CDK8: variants seen among roughly 807,000 people sequenced by gnomAD.
CDK8 encodes the protein cyclin dependent kinase 8.
CDK8 carries 29 observed loss-of-function variants against 71.5 expected under a neutral mutation model. The observed-to-expected ratio is 0.41, with a 90% confidence interval of 0.30 to 0.55. The LOEUF (loss-of-function observed/expected upper bound fraction) is 0.55. Ranked by LOEUF, CDK8 falls within the 20% of genes least tolerant of loss-of-function variation. The probability of loss-of-function intolerance (pLI) is 0.37; values close to 1 mark genes in which losing one functional copy is unlikely to be tolerated. For missense variants in CDK8, 288 were observed against 572.6 expected, an observed-to-expected ratio of 0.50 and a Z score of 5.07; for synonymous variants, 161 against 192.1, an observed-to-expected ratio of 0.84 and a Z score of 1.34.
chr13:26,362,260 ATG>A (rs1421790337), intron 4 of CDK8, among the ~76,000 whole-genome samples: 2 of 151,786 alleles, frequency 1.3e-5, no homozygotes, highest in African/African-American at 4.9e-5. Context: ...GGATGGATGG[ATG>A]GATGGATAGA....
At chr13:26,320,628 T>C (rs1298754634) in intron 1 of CDK8, among the ~76,000 whole-genome samples, 3 of 152,100 alleles carry the variant, frequency 2.0e-5, no homozygotes, top group African/African-American at 4.8e-5. Context: ...AAATTACATA[T>C]CTGATAAGGG....
chr13:26,398,699 C>T (rs1056964991), intron 9 of CDK8, among the ~76,000 whole-genome samples: 2 of 152,080 alleles, frequency 1.3e-5, no homozygotes, highest in Non-Finnish European at 2.9e-5. Flanking sequence ...GTCGGCCTGG[C>T]GTGGTAGCTC....
chr13:26,270,405 T>A (rs1169595940), intron 1 of CDK8, among the ~76,000 whole-genome samples: 9 of 143,810 alleles, frequency 6.3e-5, no homozygotes, highest in Non-Finnish European at 7.5e-5. Flanking sequence ...AAAAAAAAAA[T>A]ACACACACAC....
intron 2 of CDK8, among the ~76,000 whole-genome samples, chr13:26,348,182 C>T (rs986353628): frequency 6.6e-6 from 1 of 152,062 alleles, no homozygotes; most frequent in South Asian, 2.1e-4. Flanking sequence ...TGAAAGGATA[C>T]ATATTGTATG....
chr13:26,278,862 TTTTTC>T (rs1421649147), intron 1 of CDK8, among the ~76,000 whole-genome samples: 1 of 151,194 alleles, frequency 6.6e-6, no homozygotes, highest in African/African-American at 2.5e-5. Context: ...GTTACAGACT[TTTTTC>T]TTTTCATTTT....
intron 3 of CDK8, among the ~76,000 whole-genome samples, chr13:26,352,732 C>T (rs1158807044): frequency 6.6e-6 from 1 of 152,168 alleles, no homozygotes; most frequent in Non-Finnish European, 1.5e-5. Context: ...ACTTTACCTT[C>T]TCGTAGATAT....
Position 26,404,133 on chromosome 13 carries a change from G to C in CDK8, c.*52G>C, listed in dbSNP as rs1401011252. 3.1e-6 allele frequency: 5 copies of C among 1,600,328 alleles called. No individual in the cohort carries two copies. The highest frequency in any genetic ancestry group is 2.2e-5 in the South Asian group (2 of 89,850). On this transcript the variant is annotated 3_prime_UTR_variant, in exon 13 of 13. Transcript: ENST00000381527. ...TGTTGCGAATGCTGCAGGGCTGACT[G>C]TGCAGCTCTCTGCGGGAACCTGGTA...
intron 1 of CDK8, among the ~76,000 whole-genome samples, chr13:26,293,409 C>T (rs954711603): frequency 6.6e-6 from 1 of 151,994 alleles, no homozygotes; most frequent in Non-Finnish European, 1.5e-5. Context: ...TCATGACCAG[C>T]CTGGGCAACA....
chr13:26,318,747 A>G (rs1434997573), intron 1 of CDK8, among the ~76,000 whole-genome samples: 4 of 152,350 alleles, frequency 2.6e-5, no homozygotes, highest in African/African-American at 9.6e-5. Context: ...AATCCTGACA[A>G]AATTGATCAC....
At chr13:26,352,476 A>T (rs1873723969) in intron 3 of CDK8, among the ~76,000 whole-genome samples, 1 of 152,156 alleles carries the variant, frequency 6.6e-6, no homozygotes, top group Non-Finnish European at 1.5e-5. Context: ...TCAGCCTCCC[A>T]AAGTTCTGGG....
At position 26,289,855 on chromosome 13, in the gene CDK8, T is replaced by C. The variant is rs529917437; in HGVS notation, c.128+35086T>C. Among the ~76,000 whole-genome samples the C allele has an allele frequency of 2.0e-5, 3 of 152,258 alleles. No homozygotes were observed. The East Asian group carries it at 5.8e-4, about 29-fold the overall frequency. On this transcript the variant is annotated intron_variant, in intron 1 of 12. Transcript: ENST00000381527. ...GTGAGCCACGGTGCCCGGCCGAAAT[T>C]TGCTTCTTAATTATTTTTTAAGGAT...
chr13:26,404,055 T>C lies in CDK8; in HGVS notation c.1369T>C (p.Tyr457His), dbSNP rs1190354569. 2 of 1,613,930 alleles carry C rather than the reference T, an allele frequency of 1.2e-6. No individual in the cohort carries two copies. Among genetic ancestry groups the C allele is most frequent in the Non-Finnish European group, 1.7e-6 (2 of 1,180,000 alleles). ...AGCTACCTCCCAGCAGCCTCCACAG[T>C]ACTCACATCAGACACATCGGTACTG... ...YSATSQQPPQYSHQTHRY is the reference protein window; with the variant it reads ...YSATSQQPPQHSHQTHRY The change falls in exon 13 of 13, where the codon TAC (tyrosine) becomes CAC (histidine). Residue 457 changes from tyrosine (Y) to histidine (H), a missense_variant. Transcript: ENST00000381527.
chr13:26,372,659 T>G (rs1874744240), intron 4 of CDK8, among the ~76,000 whole-genome samples: 1 of 152,196 alleles, frequency 6.6e-6, no homozygotes, highest in Non-Finnish European at 1.5e-5. Flanking sequence ...GGGTGGATTC[T>G]GGACCCATAC....
At chr13:26,332,488 C>CAT (rs71188722) in intron 1 of CDK8, among the ~76,000 whole-genome samples, 59,101 of 148,146 alleles carry the variant, frequency 0.4, 11,924 homozygotes, top group East Asian at 0.6. Context: ...CCATATAATA[C>CAT]ATATATATAT....
rs57235018 is a variant in CDK8 at position 26,271,933 on chromosome 13, G to T, written c.128+17164G>T. 3.9e-4 allele frequency among the ~76,000 whole-genome samples: 58 copies of T among 148,220 alleles called. No homozygotes were observed. In the East Asian group the frequency reaches 0.012, roughly 30 times the overall value. ...TAGAAGTTGCTCTGGGTGAGTCAGT[G>T]GTAAGTGCATGTGAAGGCCTAGGAC... is the stretch of plus-strand genomic sequence containing the variant. On this transcript the variant is annotated intron_variant, in intron 1 of 12. Coordinates refer to ENST00000381527, the MANE Select transcript of CDK8 (RefSeq NM_001260.3).
intron 1 of CDK8, among the ~76,000 whole-genome samples, chr13:26,280,847 G>T (rs2137885031): frequency 6.6e-6 from 1 of 152,318 alleles, no homozygotes; most frequent in Admixed American, 6.5e-5. Flanking sequence ...AACTTGGATG[G>T]ACAGAACAGC....
In CDK8 at chr13:26,254,741, C is replaced by A; in HGVS notation, c.100C>A (p.His34Asn). ...GCKVGRGTYG[H>N]VYKAKRKDGK... ...CAAAGTTGGCCGAGGCACTTATGGT[C>A]ACGTCTACAAAGCCAAGAGGAAAGA... The change falls in exon 1 of 13, where the codon CAC becomes AAC. Residue 34 changes from histidine to asparagine, a missense_variant. His to Asn is a moderately conservative substitution (Grantham distance 68). Transcript: ENST00000381527. The surrounding 1 kb of genome is among the most constrained non-coding windows in gnomAD (Gnocchi z 6.7). 1.2e-6 allele frequency: 2 copies of A among 1,612,474 alleles called. No homozygotes were observed. Among genetic ancestry groups the A allele is most frequent in the South Asian group, 2.2e-5 (2 of 90,574 alleles).
At chr13:26,298,475 C>T (rs968646455) in intron 1 of CDK8, among the ~76,000 whole-genome samples, 2 of 152,110 alleles carry the variant, frequency 1.3e-5, no homozygotes, top group African/African-American at 4.8e-5. Flanking sequence ...AAAGACTTTG[C>T]AAAGCTCTTT....
intron 1 of CDK8, among the ~76,000 whole-genome samples, chr13:26,324,304 G>A (rs568182328): frequency 4.4e-4 from 67 of 152,196 alleles, no homozygotes; most frequent in South Asian, 1.5e-3. Context: ...TCAACAACTA[G>A]CATTCATAAA....
Sources: gnomAD v4.1 joint callset for allele counts (sites outside exome capture counted in the v4.1 genomes callset) on GRCh38, gnomAD v4.1.1 for gene constraint, Gnocchi (gnomAD v3.1) non-coding constraint, MANE v1.5 for transcripts, NCBI Gene and HGNC (gene_info 2026-07-23, HGNC 2026-07-21) for gene names.